Variants in TAF4B observed in about 807,000 individuals in gnomAD.
The protein encoded by TAF4B is TATA-box binding protein associated factor 4b, also known as transcription initiation factor TFIID subunit 4B.
A neutral mutation model predicts 86.4 loss-of-function variants in TAF4B; 38 were observed. The observed-to-expected ratio is 0.44, with a 90% CI of 0.34 to 0.58. TAF4B has a LOEUF of 0.58. TAF4B is among the 20% of genes least tolerant of loss of function. The pLI is 0.02. For missense variants in TAF4B, 988 were observed against 1,027.6 expected (o/e 0.96, Z 0.53); for synonymous variants, 388 against 391.2 (o/e 0.99, Z 0.10).
At chr18:26,367,019 G>A (rs1480331489) in intron 14 of TAF4B, among the ~76,000 whole-genome samples, 2 of 152,128 alleles carry the variant, frequency 1.3e-5, no homozygotes, top group South Asian at 2.1e-4. Flanking sequence ...GTAAGTAGAA[G>A]AACCCAAGTA....
chr18:26,271,769 C>A (rs1340917048), intron 3 of TAF4B, among the ~76,000 whole-genome samples: 1 of 151,810 alleles, frequency 6.6e-6, no homozygotes, highest in Non-Finnish European at 1.5e-5. Context: ...ACTAAACATT[C>A]AAAAATGAGC....
rs745625319 is a variant in TAF4B at position 26,231,747 on chromosome 18, G to A, written c.343+4471G>A. Among the ~76,000 whole-genome samples, 49 of 152,058 alleles carry A rather than the reference G, an allele frequency of 3.2e-4. 1 individual carries two copies. The highest frequency in any genetic ancestry group is 2.0e-4 in the Admixed American group (3 of 15,270). On this transcript the variant is annotated intron_variant, in intron 1 of 14. Transcript: ENST00000269142. ...TCAAGAATGAAGCCGTGACCTTGGC[G>A]GTGAGTGTTATAGCTCTTAAAGATG... is the stretch of plus-strand genomic sequence containing the variant.
intron 14 of TAF4B, among the ~76,000 whole-genome samples, chr18:26,369,023 G>A (rs1015847777): frequency 2.0e-5 from 3 of 152,212 alleles, no homozygotes; most frequent in African/African-American, 7.2e-5. Flanking sequence ...ATTCAAACTA[G>A]TGACTAGAGG....
intron 1 of TAF4B, among the ~76,000 whole-genome samples, chr18:26,262,953 T>A (rs7227463): frequency 0.073 from 11,078 of 152,062 alleles, 1,260 homozygotes; most frequent in African/African-American, 0.24. Context: ...TTTTTTTTTT[T>A]AAAAGATTTT....
At chr18:26,332,779 A>G (rs2057061143) in intron 12 of TAF4B, among the ~76,000 whole-genome samples, 1 of 152,110 alleles carries the variant, frequency 6.6e-6, no homozygotes, top group Admixed American at 6.5e-5. Context: ...TGATCCACCC[A>G]CCTCAGCATC....
At chr18:26,282,893 G>A (rs2056467536) in intron 6 of TAF4B, among the ~76,000 whole-genome samples, 1 of 152,188 alleles carries the variant, frequency 6.6e-6, no homozygotes, top group African/African-American at 2.4e-5. Context: ...TCCATCTCAA[G>A]AAACCAGTTT....
chr18:26,346,881 A>ATATG (rs2057199686), intron 13 of TAF4B, among the ~76,000 whole-genome samples: 1 of 8,026 alleles, frequency 1.2e-4, no homozygotes. Flanking sequence ...ATATGTGTAT[A>ATATG]TATATATATA....
intron 3 of TAF4B, among the ~76,000 whole-genome samples, chr18:26,270,483 C>G (rs1281174252): frequency 1.3e-5 from 2 of 152,246 alleles, no homozygotes; most frequent in East Asian, 3.9e-4. Flanking sequence ...AAAAAAATTA[C>G]TTTATTTAAA....
chr18:26,260,062 T>G (rs1233933127), intron 1 of TAF4B, among the ~76,000 whole-genome samples: 2 of 152,168 alleles, frequency 1.3e-5, no homozygotes, highest in African/African-American at 4.8e-5. Flanking sequence ...TCATGTGTCT[T>G]TTGGCTGCAT....
At chr18:26,336,462 T>C (rs1318759501) in intron 13 of TAF4B, among the ~76,000 whole-genome samples, 1 of 152,112 alleles carries the variant, frequency 6.6e-6, no homozygotes, top group East Asian at 1.9e-4. Context: ...GTGTTTTCAT[T>C]AACATAGAGA....
intron 14 of TAF4B, among the ~76,000 whole-genome samples, chr18:26,383,613 G>GTGATCAT (rs1201202103): frequency 2.6e-5 from 4 of 152,152 alleles, no homozygotes; most frequent in Admixed American, 2.6e-4. Context: ...AAAGATGGGG[G>GTGATCAT]TGATCATTAG....
At chr18:26,372,287 A>G (rs909947956) in intron 14 of TAF4B, among the ~76,000 whole-genome samples, 1 of 152,206 alleles carries the variant, frequency 6.6e-6, no homozygotes, top group Non-Finnish European at 1.5e-5. Context: ...AAGAGTGGTG[A>G]TTCTTATTAC....
chr18:26,294,715 A>G (rs2056640179), intron 9 of TAF4B, among the ~76,000 whole-genome samples: 1 of 150,066 alleles, frequency 6.7e-6, no homozygotes, highest in Admixed American at 6.6e-5. Flanking sequence ...ACATTTGTAT[A>G]TATAGAAATT....
rs73395938 is a variant in TAF4B at position 26,308,346 on chromosome 18, C to T, written c.1833-6883C>T. On this transcript the variant is annotated intron_variant, in intron 9 of 14. Transcript: ENST00000269142. Reference sequence around the variant, plus strand: ...TGTGAAGTCTTTCAGAGTTTTTAGTCATATGTTGTCATAGTAAAGTTATGT... The same window carrying T: ...TGTGAAGTCTTTCAGAGTTTTTAGTTATATGTTGTCATAGTAAAGTTATGT... 6.2e-3 allele frequency among the ~76,000 whole-genome samples: 936 copies of T among 152,192 alleles called. 8 individuals are homozygous for T. The highest frequency in any genetic ancestry group is 0.021 in the African/African-American group (879 of 41,506).
At chr18:26,277,040 G>C (rs1174338496) in intron 5 of TAF4B, among the ~76,000 whole-genome samples, 2 of 152,092 alleles carry the variant, frequency 1.3e-5, no homozygotes, top group African/African-American at 4.8e-5. Flanking sequence ...TTTGTTTTTT[G>C]TGGGGTTAAC....
chr18:26,339,605 G>A (rs1442634899), intron 13 of TAF4B, among the ~76,000 whole-genome samples: 1 of 149,806 alleles, frequency 6.7e-6, no homozygotes, highest in African/African-American at 2.6e-5. Context: ...GGGATTACAG[G>A]AGTGAGACAC....
intron 9 of TAF4B, among the ~76,000 whole-genome samples, chr18:26,296,429 T>C (rs1229136102): frequency 6.6e-6 from 1 of 151,810 alleles, no homozygotes; most frequent in Admixed American, 6.6e-5. Context: ...TGTCTCTCTT[T>C]TCTGCAGTTT....
intron 6 of TAF4B, among the ~76,000 whole-genome samples, chr18:26,285,222 G>GTTTTTTTTTTTTTTTT (rs776976703): frequency 8.8e-5 from 4 of 45,688 alleles, no homozygotes; most frequent in East Asian, 1.1e-3. Context: ...TTTTTTTTTT[G>GTTTTTTTTTTTTTTTT]TTTTTTTTTT....
intron 5 of TAF4B, among the ~76,000 whole-genome samples, chr18:26,276,639 A>G (rs1400335731): frequency 1.3e-5 from 2 of 152,192 alleles, no homozygotes; most frequent in South Asian, 4.1e-4. Flanking sequence ...ATTTGGGAAG[A>G]TGTTTTTATT....
Sources: gnomAD v4.1 joint callset for allele counts (sites outside exome capture counted in the v4.1 genomes callset) on GRCh38, gnomAD v4.1.1 for gene constraint, MANE v1.5 for transcripts, NCBI Gene and HGNC (gene_info 2026-07-23, HGNC 2026-07-21) for gene names.